Variants in GASK1A observed in about 807,000 individuals in gnomAD.
GASK1A encodes the protein Golgi-associated kinase 1A.
Under a neutral mutation model 41.2 loss-of-function variants are expected in GASK1A, and 40 were observed. That is an observed-to-expected ratio of 0.97 (90% CI 0.75 to 1.27). The LOEUF is 1.27. Among genes scored for constraint, GASK1A ranks in the 50% most tolerant of loss-of-function variants. The pLI, the probability that GASK1A is intolerant of heterozygous loss-of-function variation, is 0.00. For missense variants in GASK1A, 678 were observed against 745.1 expected (o/e 0.91, Z 1.05); for synonymous variants, 316 against 307.1 (o/e 1.03, Z -0.30).
chr3:43,004,473 C>T (rs1053840193), intron 1 of GASK1A, among the ~76,000 whole-genome samples: 1 of 152,194 alleles, frequency 6.6e-6, no homozygotes, highest in African/African-American at 2.4e-5. Context: ...CAAGAGCCTA[C>T]ACCCACCCAC....
chr3:43,032,761 G>A lies in GASK1A; in HGVS notation c.498G>A (p.Glu166=), dbSNP rs772727653. Residue 166 remains glutamate, a synonymous_variant, in exon 2 of 5, where the codon GAG becomes GAA. Coordinates refer to ENST00000430121, the MANE Select transcript of GASK1A (RefSeq NM_001129908.3). ...GTCCCATCCAGGAGACACAGAGTGA[G>A]GTGGTCACCCTGGTCAGTCCACTCC... ...HGSPIQETQS[E]VVTLVSPLPG... The A allele has an allele frequency of 3.9e-6, 6 of 1,551,216 alleles. No homozygotes were observed. The South Asian group carries it at 7.1e-5, about 18-fold the overall frequency.
At chr3:42,999,789 G>A (rs2089399864) in intron 1 of GASK1A, among the ~76,000 whole-genome samples, 2 of 152,112 alleles carry the variant, frequency 1.3e-5, no homozygotes, top group South Asian at 4.1e-4. Flanking sequence ...TTGTCAGAAG[G>A]GCTGGTTTTC....
At chr3:42,990,179 T>C (rs898146776) in intron 1 of GASK1A, among the ~76,000 whole-genome samples, 4 of 151,900 alleles carry the variant, frequency 2.6e-5, no homozygotes, top group African/African-American at 7.3e-5. Context: ...CATAAACTTA[T>C]GTAGAGAGAG....
chr3:43,016,983 T>C (rs2089494980), intron 1 of GASK1A, among the ~76,000 whole-genome samples: 1 of 148,532 alleles, frequency 6.7e-6, no homozygotes, highest in Admixed American at 6.7e-5. Flanking sequence ...AGGGTCTGTG[T>C]GAAGCCACTG....
rs1553615990 is a variant in GASK1A, at chr3:43,040,880, C to CCA, written c.1290+7328_1290+7329insAC. On this transcript the variant is annotated intron_variant, in intron 2 of 4. Coordinates refer to ENST00000430121, the MANE Select transcript of GASK1A (RefSeq NM_001129908.3). ...TATATCTCCCAATGCTATCCCTCCC[C>CCA]CCCGCCACAACAGTCCGCAGAGTGT... Among the ~76,000 whole-genome samples, 8 of 124,466 alleles carry CCA rather than the reference C, an allele frequency of 6.4e-5. 1 individual carries two copies. In the South Asian group the frequency reaches 8.3e-4, roughly 13 times the overall value. 81.7% of individuals were successfully genotyped at this position (124,466 alleles called of 152,430 possible).
At chr3:43,040,487 C>G (rs1409509121) in intron 2 of GASK1A, among the ~76,000 whole-genome samples, 2 of 152,000 alleles carry the variant, frequency 1.3e-5, no homozygotes, top group African/African-American at 2.4e-5. Context: ...TTCCCCTTCC[C>G]AGATCCTTTT....
intron 1 of GASK1A, among the ~76,000 whole-genome samples, chr3:43,031,934 G>A (rs1010381879): frequency 1.3e-5 from 2 of 152,244 alleles, no homozygotes; most frequent in Non-Finnish European, 2.9e-5. Context: ...TGGTGATGGG[G>A]ACAGACGTGA....
intron 2 of GASK1A, among the ~76,000 whole-genome samples, chr3:43,035,970 C>T (rs553743002): frequency 4.9e-4 from 74 of 152,318 alleles, no homozygotes; most frequent in Admixed American, 2.2e-3. Flanking sequence ...TGTCCATGAA[C>T]GAGGGCAGGA....
Position 43,056,056 on chromosome 3 carries a change from C to T in GASK1A, c.1518-120C>T, listed in dbSNP as rs1037235593. 7 of 787,324 alleles carry T rather than the reference C, an allele frequency of 8.9e-6. No homozygotes were observed. In the African/African-American group the frequency reaches 1.0e-4, roughly 12 times the overall value. The allele number at this position is 787,324 out of a possible 1,614,324, so 48.8% of individuals were successfully genotyped here. On this transcript the variant is annotated intron_variant, in intron 4 of 4. Coordinates refer to ENST00000430121, the MANE Select transcript of GASK1A (RefSeq NM_001129908.3). ...CAGGTCTGGGGAGTTTGCCAGGTGA[C>T]TTTACCAGAGTTCCTCAGCTATGCA...
intron 2 of GASK1A, among the ~76,000 whole-genome samples, chr3:43,041,695 A>G (rs1197479643): frequency 2.0e-5 from 3 of 152,190 alleles, no homozygotes; most frequent in South Asian, 2.1e-4. Context: ...CCTGCATACC[A>G]TCATTTCATC....
intron 1 of GASK1A, among the ~76,000 whole-genome samples, chr3:42,993,461 C>T (rs1361113165): frequency 1.3e-5 from 2 of 152,162 alleles, no homozygotes; most frequent in Non-Finnish European, 2.9e-5. Flanking sequence ...AGGATTATAT[C>T]ACACGTTTGT....
At chr3:43,049,524 C>T (rs184479570) in intron 2 of GASK1A, among the ~76,000 whole-genome samples, 14 of 152,282 alleles carry the variant, frequency 9.2e-5, no homozygotes, top group Non-Finnish European at 1.2e-4. Context: ...ATTGGCTTAT[C>T]GCATGAACAG....
intron 1 of GASK1A, among the ~76,000 whole-genome samples, chr3:43,011,588 T>C (rs2089463856): frequency 6.6e-6 from 1 of 151,826 alleles, no homozygotes; most frequent in South Asian, 2.1e-4. Flanking sequence ...AAAGGGACAA[T>C]GTGAAGTCAC....
intron 1 of GASK1A, among the ~76,000 whole-genome samples, chr3:43,007,176 C>A (rs1406178898): frequency 1.3e-5 from 2 of 152,226 alleles, no homozygotes; most frequent in Admixed American, 6.5e-5. Flanking sequence ...CATCAAAATA[C>A]AAGTGTGTGG....
chr3:42,980,545 GC>G (rs1013698594), intron 1 of GASK1A, among the ~76,000 whole-genome samples: 1 of 152,176 alleles, frequency 6.6e-6, no homozygotes, highest in Non-Finnish European at 1.5e-5. Flanking sequence ...CACTGGAGAT[GC>G]TTTGTGGGGA....
chr3:43,011,254 C>T (rs1268959231), intron 1 of GASK1A, among the ~76,000 whole-genome samples: 6 of 151,974 alleles, frequency 3.9e-5, no homozygotes, highest in East Asian at 1.9e-4. Flanking sequence ...TGGTGGCGTG[C>T]GCCTGTAGTC....
intron 1 of GASK1A, among the ~76,000 whole-genome samples, chr3:43,025,377 C>T (rs1450360028): frequency 1.3e-5 from 2 of 152,062 alleles, no homozygotes; most frequent in African/African-American, 4.8e-5. Flanking sequence ...GACAGTGCTA[C>T]CTTTTAGCCA....
At chr3:43,029,428 CAGG>C (rs989718749) in intron 1 of GASK1A, among the ~76,000 whole-genome samples, 5 of 152,094 alleles carry the variant, frequency 3.3e-5, no homozygotes, top group African/African-American at 1.2e-4. Context: ...TTGACATGGA[CAGG>C]AGGAGGAGGT....
chr3:43,024,323 C>G (rs919142412), intron 1 of GASK1A, among the ~76,000 whole-genome samples: 2 of 152,198 alleles, frequency 1.3e-5, no homozygotes, highest in Admixed American at 6.5e-5. Context: ...TCATTCCGTA[C>G]TGTGAAAACC....
Sources: gnomAD v4.1 joint callset for allele counts (sites outside exome capture counted in the v4.1 genomes callset) on GRCh38, gnomAD v4.1.1 for gene constraint, MANE v1.5 for transcripts, NCBI Gene and HGNC (gene_info 2026-07-23, HGNC 2026-07-21) for gene names.